The following NEK11 variants were observed in gnomAD, a reference collection of about 807,000 sequenced individuals.
NEK11 encodes the protein NIMA related kinase 11, also known as serine/threonine-protein kinase Nek11.
In NEK11, 72 loss-of-function variants were observed where a neutral mutation model predicts 80.7. The observed-to-expected ratio is 0.89, with a 90% CI of 0.74 to 1.08. The LOEUF (loss-of-function observed/expected upper bound fraction) is 1.08, where lower values mean the gene tolerates loss of function less well. Ranked by LOEUF, NEK11 falls within the 50% of genes least tolerant of loss-of-function variation. NEK11 has a pLI of 0.00. For synonymous variants in NEK11, 251 were observed against 260.7 expected (o/e 0.96, Z 0.36); for missense variants, 764 against 763.6 (o/e 1.00, Z -0.01).
rs771862711 is a variant in NEK11, at chr3:131,273,452, A to C, written c.1622-26A>C. 5 of 1,586,306 alleles carry C rather than the reference A, an allele frequency of 3.2e-6. No homozygotes were observed. The South Asian group carries it at 3.3e-5, about 11-fold the overall frequency. On this transcript the variant is annotated intron_variant, in intron 16 of 17. Transcript: ENST00000383366. ...AAGTTGCAGGATTGCTGATGAAGTCAATAAGGGCTGTGCATTGATTTTCAG... is the reference window on the plus strand; with the variant it reads ...AAGTTGCAGGATTGCTGATGAAGTCCATAAGGGCTGTGCATTGATTTTCAG...
intron 16 of NEK11, among the ~76,000 whole-genome samples, chr3:131,267,423 G>A (rs1050966163): frequency 6.6e-6 from 1 of 152,198 alleles, no homozygotes; most frequent in African/African-American, 2.4e-5. Flanking sequence ...GTCTGTAAAG[G>A]ATTTTATTTC....
At chr3:131,149,103 G>A (rs527440240) in intron 7 of NEK11, among the ~76,000 whole-genome samples, 6 of 151,784 alleles carry the variant, frequency 4.0e-5, no homozygotes, top group South Asian at 4.2e-4. Flanking sequence ...TACAGCAACC[G>A]CCTTCTTTAT....
At chr3:131,179,196 G>A (rs2093210849) in intron 14 of NEK11, among the ~76,000 whole-genome samples, 1 of 152,200 alleles carries the variant, frequency 6.6e-6, no homozygotes, top group Non-Finnish European at 1.5e-5. Flanking sequence ...GTTGGCAGCA[G>A]GGAGCAGCCC....
chr3:131,168,336 T>A (rs1579455857), intron 12 of NEK11, among the ~76,000 whole-genome samples: 1 of 38,992 alleles, frequency 2.6e-5, no homozygotes. Flanking sequence ...ATGTTGCATT[T>A]CTTTTTTTTT....
chr3:131,090,031 T>C (rs935930409), intron 4 of NEK11, among the ~76,000 whole-genome samples: 1 of 152,210 alleles, frequency 6.6e-6, no homozygotes, highest in African/African-American at 2.4e-5. Context: ...GTTTTTGTTT[T>C]TGTTTTAAAT....
In NEK11 at chr3:131,225,119, C is replaced by A. The variant is rs60076936; in HGVS notation, c.1400-3409C>A. 6.6e-3 allele frequency among the ~76,000 whole-genome samples: 1,010 copies of A among 152,262 alleles called. 7 individuals are homozygous for A. Among genetic ancestry groups the A allele is most frequent in the African/African-American group, 0.023 (964 of 41,556 alleles). ...TCACCCAGAGCAACTTCCAGTCCTG[C>A]GTGCTCCATTCATGGTAACAGCCCT... On this transcript the variant is annotated intron_variant, in intron 14 of 17. Transcript: ENST00000383366.
intron 14 of NEK11, among the ~76,000 whole-genome samples, chr3:131,192,577 T>C (rs921251432): frequency 1.3e-5 from 2 of 152,222 alleles, no homozygotes; most frequent in Non-Finnish European, 2.9e-5. Flanking sequence ...AAGTATAACA[T>C]ACATACAATG....
intron 4 of NEK11, chr3:131,093,001 C>A (rs1560361714): frequency 6.6e-6 from 1 of 152,170 alleles, no homozygotes; most frequent in Non-Finnish European, 1.5e-5. Flanking sequence ...TATGAAGTGA[C>A]AGTGGTACTG....
In NEK11 at chr3:131,131,688, T is replaced by C. The variant is rs145644325; in HGVS notation, c.456-1057T>C. On this transcript the variant is annotated intron_variant, in intron 5 of 17. Coordinates refer to ENST00000383366, the MANE Select transcript of NEK11 (RefSeq NM_024800.5). ...ACCAGTTTTATTTTTGTTGATATTC[T>C]CTATTGGTTTCTTGTTTTCAATTTT... Among the ~76,000 whole-genome samples, 697 of 152,212 alleles carry C rather than the reference T, an allele frequency of 4.6e-3. 4 individuals carry two copies. Among genetic ancestry groups the C allele is most frequent in the African/African-American group, 0.016 (672 of 41,572 alleles).
At chr3:131,112,054 G>T (rs1240845342) in intron 5 of NEK11, among the ~76,000 whole-genome samples, 1 of 152,114 alleles carries the variant, frequency 6.6e-6, no homozygotes, top group Non-Finnish European at 1.5e-5. Context: ...CATACAAATA[G>T]CTATGACCCA....
In NEK11 at chr3:131,169,047, G is replaced by T. The variant is rs75580792; in HGVS notation, c.1284+110G>T. 951 of 659,242 alleles carry T rather than the reference G, an allele frequency of 1.4e-3. 5 individuals carry two copies. The African/African-American group carries it at 0.015, about 11-fold the overall frequency. 40.8% of individuals were successfully genotyped at this position (659,242 alleles called of 1,614,324 possible). ...GAACACTTTGCAGAGGAGCCTGAAG[G>T]GTTTTAAATGTAGCAGGAAAAAGCT... On this transcript the variant is annotated intron_variant, in intron 13 of 17. Coordinates refer to ENST00000383366, the MANE Select transcript of NEK11 (RefSeq NM_024800.5).
chr3:131,056,547 GTGTTTA>G (rs2069539543), intron 3 of NEK11, among the ~76,000 whole-genome samples: 2 of 152,276 alleles, frequency 1.3e-5, no homozygotes, highest in South Asian at 4.1e-4. Context: ...TCAGTGACTA[GTGTTTA>G]TTCTTAACAG....
At chr3:131,093,408 T>C (rs781678604) in intron 4 of NEK11, among the ~76,000 whole-genome samples, 2 of 137,336 alleles carry the variant, frequency 1.5e-5, no homozygotes, top group Non-Finnish European at 3.1e-5. Context: ...AACCCAATCA[T>C]GTGGAAAGAA....
At position 131,214,615 on chromosome 3, in the gene NEK11, A is replaced by G. The variant is rs144499878; in HGVS notation, c.1400-13913A>G. ...AAAATCATCTTGACATATAGGATAA[A>G]AGTGCAGACTCTAGAGCTTGAGGGA... On this transcript the variant is annotated intron_variant, in intron 14 of 17. Coordinates refer to ENST00000383366, the MANE Select transcript of NEK11 (RefSeq NM_024800.5). Among the ~76,000 whole-genome samples the G allele has an allele frequency of 2.0e-5, 3 of 152,242 alleles. No homozygotes were observed. The East Asian group carries it at 5.8e-4, about 29-fold the overall frequency.
At chr3:131,144,807 C>A (rs192330979) in intron 7 of NEK11, among the ~76,000 whole-genome samples, 1 of 152,208 alleles carries the variant, frequency 6.6e-6, no homozygotes, top group Admixed American at 6.5e-5. Context: ...TAAATGAAGT[C>A]TTCTCTACGT....
chr3:131,055,956 C>T (rs2069397778), intron 3 of NEK11, among the ~76,000 whole-genome samples: 1 of 152,104 alleles, frequency 6.6e-6, no homozygotes, highest in South Asian at 2.1e-4. Flanking sequence ...AGTATTCTTA[C>T]TTATGTTTAT....
chr3:131,155,536 T>C (rs1355958964), intron 10 of NEK11, among the ~76,000 whole-genome samples: 1 of 152,182 alleles, frequency 6.6e-6, no homozygotes, highest in Non-Finnish European at 1.5e-5. Flanking sequence ...CAATTGAAAA[T>C]AAGCCGAAAT....
chr3:131,116,919 T>C (rs1195329930), intron 5 of NEK11, among the ~76,000 whole-genome samples: 1 of 152,226 alleles, frequency 6.6e-6, no homozygotes, highest in Non-Finnish European at 1.5e-5. Flanking sequence ...TCTCCCATTC[T>C]GTAGGTTGCC....
At chr3:131,108,339 T>A (rs973120812) in intron 4 of NEK11, among the ~76,000 whole-genome samples, 1 of 152,170 alleles carries the variant, frequency 6.6e-6, no homozygotes, top group Admixed American at 6.6e-5. Context: ...TCATGAGTAG[T>A]CTATGACTAG....
Sources: allele counts gnomAD v4.1 joint callset (sites outside exome capture counted in the v4.1 genomes callset), GRCh38; gene constraint gnomAD v4.1.1; transcripts MANE v1.5; gene names NCBI Gene and HGNC (gene_info 2026-07-23, HGNC 2026-07-21).